Variants in KY observed in about 807,000 individuals in gnomAD.
KY encodes the protein kyphoscoliosis peptidase.
KY carries 43 observed loss-of-function variants against 76.1 expected under a neutral mutation model. That is an observed-to-expected ratio of 0.57 (90% confidence interval 0.44 to 0.73). KY has a LOEUF of 0.73. KY is among the 30% of genes least tolerant of loss of function. The pLI is 0.00. For synonymous variants in KY, 277 were observed against 326.2 expected (o/e 0.85, Z 1.63); for missense variants, 722 against 828.9 (o/e 0.87, Z 1.58).
In KY at chr3:134,628,237, T is replaced by A. The variant is rs528443354; in HGVS notation, c.338-419A>T. On this transcript the variant is annotated intron_variant, in intron 4 of 10. Transcript: ENST00000423778. The stretch of plus-strand genomic sequence containing the variant: ...CAAAGATGCAGGAAGGGGAAAGCAG[T>A]TCGTGTGAAGGTCAAAACCTAGAAA... 1.6e-5 allele frequency: 3 copies of A among 185,784 alleles called. No individual in the cohort carries two copies. The South Asian group carries it at 3.7e-4, about 23-fold the overall frequency. 11.5% of individuals were successfully genotyped at this position (185,784 alleles called of 1,614,324 possible).
At chr3:134,604,598 G>A (rs149796720) in intron 10 of KY, 124 bp from the exon 11 acceptor site, 25 of 797,604 alleles carry the variant, frequency 3.1e-5, no homozygotes, top group African/African-American at 2.9e-4. Flanking sequence ...CTATTTCCAC[G>A]GTGTTAATAC....
intron 8 of KY, among the ~76,000 whole-genome samples, chr3:134,617,962 C>T (rs554470198): frequency 2.0e-5 from 3 of 152,224 alleles, no homozygotes; most frequent in African/African-American, 7.2e-5. Flanking sequence ...GATCCAGGTT[C>T]CTGGAGAGGC....
chr3:134,601,789 A>G lies in KY; in HGVS notation c.*1790T>C, dbSNP rs1293266125. On this transcript the variant is annotated 3_prime_UTR_variant, in exon 11 of 11. Coordinates refer to ENST00000423778, the MANE Select transcript of KY (RefSeq NM_178554.6). ...TTGTGAGCTGGTTCTGGGCTAGGCC[A>G]CCGTGCTGGGTGGCAGTGGGGACTT... 6.6e-6 allele frequency among the ~76,000 whole-genome samples: 1 copy of G among 152,188 alleles called. No individual in the cohort carries two copies. The highest frequency in any genetic ancestry group is 1.5e-5 in the Non-Finnish European group (1 of 68,032).
chr3:134,647,076 C>T (rs1966528801), intron 2 of KY, among the ~76,000 whole-genome samples: 1 of 152,208 alleles, frequency 6.6e-6, no homozygotes, highest in Non-Finnish European at 1.5e-5. Flanking sequence ...AGACGACTAT[C>T]CTCTCTGTTG....
intron 8 of KY, among the ~76,000 whole-genome samples, chr3:134,610,938 A>G (rs749922043): frequency 1.3e-5 from 2 of 152,112 alleles, no homozygotes; most frequent in Non-Finnish European, 2.9e-5. Context: ...CCCCCCTGCT[A>G]TTCCTCCCAA....
chr3:134,626,586 C>A (rs1963483297), intron 5 of KY, among the ~76,000 whole-genome samples: 1 of 152,180 alleles, frequency 6.6e-6, no homozygotes, highest in South Asian at 2.1e-4. Flanking sequence ...TCAGGGCTGC[C>A]ACTGTCAGTG....
intron 2 of KY, among the ~76,000 whole-genome samples, 165 bp downstream of exon 2, chr3:134,647,253 GACTCCAGGGAACACTTC>G (rs1966549970): frequency 6.6e-6 from 1 of 152,226 alleles, no homozygotes; most frequent in Admixed American, 6.5e-5. Flanking sequence ...CAGGGGACCT[GACTCCAGGGAACACTTC>G]CCACAGTCAC....
At chr3:134,648,584 G>A (rs1966715908) in intron 1 of KY, among the ~76,000 whole-genome samples, 1 of 152,152 alleles carries the variant, frequency 6.6e-6, no homozygotes, top group East Asian at 1.9e-4. Flanking sequence ...CACTGTTCTA[G>A]GGAAATGACT....
intron 3 of KY, among the ~76,000 whole-genome samples, chr3:134,637,983 A>G (rs1342353249): frequency 1.3e-5 from 2 of 152,196 alleles, no homozygotes; most frequent in African/African-American, 2.4e-5. Flanking sequence ...CCTCTTGGAC[A>G]GGGGTCAATG....
Position 134,600,519 on chromosome 3 carries a change from G to A in KY, c.*3060C>T, listed in dbSNP as rs1958917711. Among the ~76,000 whole-genome samples, 1 of 152,206 alleles carries A rather than the reference G, an allele frequency of 6.6e-6. No homozygotes were observed. Among genetic ancestry groups the A allele is most frequent in the African/African-American group, 2.4e-5 (1 of 41,448 alleles). The stretch of plus-strand genomic sequence containing the variant: ...ATAATCAGATTGAAAATGGAGTCCA[G>A]CTGAGCTATGGCACTTCTGAAACAA... On this transcript the variant is annotated 3_prime_UTR_variant, in exon 11 of 11. Coordinates refer to ENST00000423778, the MANE Select transcript of KY (RefSeq NM_178554.6).
At chr3:134,608,578 C>A (rs551707234) in intron 10 of KY, 71 bp downstream of exon 10, 1 of 1,612,396 alleles carries the variant, frequency 6.2e-7, no homozygotes. Flanking sequence ...CAGTCTCAGG[C>A]GGGCTCCTGG....
intron 10 of KY, among the ~76,000 whole-genome samples, chr3:134,605,555 T>G (rs1247365456): frequency 1.3e-5 from 2 of 152,170 alleles, no homozygotes; most frequent in African/African-American, 4.8e-5. Context: ...GCCAGCATGA[T>G]GGGGAGGCTG....
chr3:134,638,740 A>G (rs1467024287), intron 3 of KY, among the ~76,000 whole-genome samples: 1 of 152,160 alleles, frequency 6.6e-6, no homozygotes, highest in African/African-American at 2.4e-5. Context: ...GGTTTCTTCC[A>G]CCTGACAGCT....
chr3:134,629,737 C>A (rs1963972005), intron 3 of KY, 42 bp from the exon 4 acceptor site: 1 of 1,323,896 alleles, frequency 7.6e-7, no homozygotes, highest in Non-Finnish European at 1.1e-6. Context: ...CAGATGCTGC[C>A]AGGAAAGGGT....
At chr3:134,618,789 T>C (rs1016731351) in intron 8 of KY, among the ~76,000 whole-genome samples, 21 of 152,150 alleles carry the variant, frequency 1.4e-4, no homozygotes, top group Non-Finnish European at 3.1e-4. Context: ...GAGGACAGCC[T>C]TTCACAGTCC....
Position 134,603,687 on chromosome 3 carries a change from C to G in KY, c.1878G>C (p.Glu626Asp). ...PLTLNHEGYW[E>D]GSCSTAGCQE... ...GGCAGCCAGCTGTGCTGCAGCTTCC[C>G]TCCCAGTAGCCCTCGTGGTTCAGGG... The change falls in exon 11 of 11, where the codon GAG (glutamate) becomes GAC (aspartate). Residue 626 changes from glutamate to aspartate, a missense_variant. Glu to Asp is a conservative substitution (Grantham distance 45). Coordinates refer to ENST00000423778, the MANE Select transcript of KY (RefSeq NM_178554.6). 1 of 1,613,928 alleles carries G rather than the reference C, an allele frequency of 6.2e-7. No homozygotes were observed. The highest frequency in any genetic ancestry group is 1.1e-5 in the South Asian group (1 of 91,056).
intron 1 of KY, among the ~76,000 whole-genome samples, chr3:134,648,928 G>A (rs1287891873): frequency 6.6e-6 from 1 of 152,192 alleles, no homozygotes; most frequent in Non-Finnish European, 1.5e-5. Context: ...AAGTGAGCAA[G>A]AGTTTGTTTT....
rs35084772 is a variant in KY at position 134,612,751 on chromosome 3, CTGTGTGTG to C, written c.711-2376_711-2369del. On this transcript the variant is annotated intron_variant, in intron 8 of 10. Coordinates refer to ENST00000423778, the MANE Select transcript of KY (RefSeq NM_178554.6). ...CAGTCAGCACAATGTCACGCCGATG[CTGTGTGTG>C]TGTGTGTGTGTGTGTGTGTGTGTGT... Among the ~76,000 whole-genome samples, 78 of 125,486 alleles carry C rather than the reference CTGTGTGTG, an allele frequency of 6.2e-4. No homozygotes were observed. The South Asian group carries it at 0.011, about 17-fold the overall frequency. The allele number at this position is 125,486 out of a possible 152,430, so 82.3% of individuals were successfully genotyped here.
chr3:134,631,156 G>T (rs1964176343), intron 3 of KY, among the ~76,000 whole-genome samples: 1 of 152,144 alleles, frequency 6.6e-6, no homozygotes, highest in African/African-American at 2.4e-5. Flanking sequence ...ATAATATGAT[G>T]CAGAAAAAAT....
Sources: gnomAD v4.1 joint callset for allele counts (sites outside exome capture counted in the v4.1 genomes callset) on GRCh38, gnomAD v4.1.1 for gene constraint, MANE v1.5 for transcripts, NCBI Gene and HGNC (gene_info 2026-07-23, HGNC 2026-07-21) for gene names.